The following CRYBA4 variants were observed in gnomAD, a reference collection of about 807,000 sequenced individuals.
The protein encoded by CRYBA4 is crystallin beta A4.
In CRYBA4, 30 loss-of-function variants were observed where a neutral mutation model predicts 31.7. That is an observed-to-expected ratio of 0.95 (90% CI 0.71 to 1.28). CRYBA4 has a LOEUF of 1.28. Ranked by LOEUF, CRYBA4 falls within the 50% of genes most tolerant of loss-of-function variation. CRYBA4 has a pLI of 0.00. For missense variants in CRYBA4, 225 were observed against 260.7 expected, an observed-to-expected ratio of 0.86 and a Z score of 0.94; for synonymous variants, 102 against 102.3, an observed-to-expected ratio of 1.00 and a Z score of 0.02.
Position 26,622,617 on chromosome 22 carries a change from G to C in CRYBA4, c.21G>C (p.Lys7Asn). 1 of 1,613,194 alleles carries C rather than the reference G, an allele frequency of 6.2e-7. No homozygotes were observed. Among genetic ancestry groups the C allele is most frequent in the Non-Finnish European group, 8.5e-7 (1 of 1,179,482 alleles). Residue 7 changes from lysine (K) to asparagine (N), a missense_variant, in exon 2 of 6, where the codon AAG (lysine) becomes AAC (asparagine). Lys to Asn is a moderately conservative substitution (Grantham distance 94). Coordinates refer to ENST00000354760, the MANE Select transcript of CRYBA4 (RefSeq NM_001886.3). Reference protein sequence around the residue: MTLQCTKSAGPWKMVVW... With the variant: MTLQCTNSAGPWKMVVW... Reference sequence around the variant, plus strand: ...CCACAATGACCCTGCAATGCACAAAGTCAGCGGGACCCTGGAAGGTAGGAA... The same window carrying C: ...CCACAATGACCCTGCAATGCACAAACTCAGCGGGACCCTGGAAGGTAGGAA...
At chr22:26,627,426 T>TTCTTTCTTTCTTTCCTTC (rs1431636604) in intron 4 of CRYBA4, among the ~76,000 whole-genome samples, 1 of 75,322 alleles carries the variant, frequency 1.3e-5, no homozygotes, top group African/African-American at 1.0e-4. Flanking sequence ...CTTTCTTTCT[T>TTCTTTCTTTCTTTCCTTC]TTTCTTTCTT....
the CRYBA4 span, chr22:26,611,934 A>G: frequency 3.1e-5 from 23 of 732,292 alleles, no homozygotes; most frequent in African/African-American, 2.7e-4. Flanking sequence ...TCAGTTTGAT[A>G]TGAGGATTGG....
At chr22:26,605,132 T>G in the CRYBA4 span, among the ~76,000 whole-genome samples, 1 of 152,214 alleles carries the variant, frequency 6.6e-6, no homozygotes, top group Admixed American at 6.5e-5. Context: ...GGGAGCTGGC[T>G]TCCCTGATGA....
At chr22:26,623,934 C>T (rs1408185008) in intron 3 of CRYBA4, among the ~76,000 whole-genome samples, 1 of 152,214 alleles carries the variant, frequency 6.6e-6, no homozygotes, top group Non-Finnish European at 1.5e-5. Context: ...CCATCCATTT[C>T]AGAGCCACTG....
At chr22:26,627,837 AG>A (rs1929800466) in intron 4 of CRYBA4, among the ~76,000 whole-genome samples, 1 of 152,038 alleles carries the variant, frequency 6.6e-6, no homozygotes, top group East Asian at 1.9e-4. Flanking sequence ...TAGTAGAGAC[AG>A]GGTTTCACCA....
the CRYBA4 span, among the ~76,000 whole-genome samples, chr22:26,604,824 T>G: frequency 6.6e-6 from 1 of 152,198 alleles, no homozygotes; most frequent in South Asian, 2.1e-4. Context: ...GATTACTTAT[T>G]ACTGTTACGG....
At chr22:26,594,964 T>C in the CRYBA4 span, among the ~76,000 whole-genome samples, 1 of 152,180 alleles carries the variant, frequency 6.6e-6, no homozygotes, top group Non-Finnish European at 1.5e-5. Context: ...CTCCAGGTGG[T>C]GAGATGCTCA....
At chr22:26,602,064 G>C in the CRYBA4 span, 1 of 1,609,960 alleles carries the variant, frequency 6.2e-7, no homozygotes. Flanking sequence ...AGTACAAATG[G>C]GACAAAGAGA....
chr22:26,607,928 G>C, the CRYBA4 span: 2 of 1,614,216 alleles, frequency 1.2e-6, no homozygotes, highest in East Asian at 2.2e-5. Flanking sequence ...GATCACTGCG[G>C]TAGCTGCTCG....
At chr22:26,591,302 C>G in the CRYBA4 span, among the ~76,000 whole-genome samples, 2,637 of 152,146 alleles carry the variant, frequency 0.017, 76 homozygotes, top group African/African-American at 0.06. Flanking sequence ...GAAACCCTGT[C>G]TCTACTAAAA....
the CRYBA4 span, among the ~76,000 whole-genome samples, chr22:26,607,140 A>T: frequency 1.3e-5 from 2 of 149,118 alleles, no homozygotes; most frequent in East Asian, 4.0e-4. Flanking sequence ...CTCCTGCCTC[A>T]GCCTTGCTAG....
chr22:26,611,454 G>GT, the CRYBA4 span, among the ~76,000 whole-genome samples: 414 of 142,748 alleles, frequency 2.9e-3, 3 homozygotes, highest in Non-Finnish European at 4.2e-3. Flanking sequence ...GCTAGAGTTT[G>GT]TTTTTTTTTT....
the CRYBA4 span, chr22:26,607,786 C>A: frequency 6.5e-7 from 1 of 1,544,048 alleles, no homozygotes; most frequent in South Asian, 1.1e-5. Flanking sequence ...TGCCACGCCT[C>A]CCTACCCACC....
chr22:26,604,082 C>T, the CRYBA4 span, among the ~76,000 whole-genome samples: 1 of 152,242 alleles, frequency 6.6e-6, no homozygotes, highest in African/African-American at 2.4e-5. Context: ...TTTCAAAAGT[C>T]ATCATGCACT....
At chr22:26,616,728 C>T in the CRYBA4 span, among the ~76,000 whole-genome samples, 1 of 152,208 alleles carries the variant, frequency 6.6e-6, no homozygotes, top group Non-Finnish European at 1.5e-5. Flanking sequence ...TAAGGTGTGC[C>T]AGGCACTGTG....
chr22:26,627,412 C>CT (rs1294001395), intron 4 of CRYBA4, among the ~76,000 whole-genome samples: 6 of 79,066 alleles, frequency 7.6e-5, no homozygotes, highest in Non-Finnish European at 1.2e-4. Flanking sequence ...TTCTTTCTTT[C>CT]TTTCTTTCTT....
At chr22:26,622,340 C>T (rs1929557093) in intron 1 of CRYBA4, among the ~76,000 whole-genome samples, 1 of 151,898 alleles carries the variant, frequency 6.6e-6, no homozygotes, top group Admixed American at 6.6e-5. Flanking sequence ...TAAGAGAATA[C>T]AGAGTGGGGC....
chr22:26,595,401 A>G, the CRYBA4 span, among the ~76,000 whole-genome samples: 1 of 150,406 alleles, frequency 6.6e-6, no homozygotes, highest in Admixed American at 6.7e-5. Context: ...ACATGGAAAA[A>G]CCCCCGTCTC....
At chr22:26,627,364 CTTTCTTTCTTTCT>C (rs1929741529) in intron 4 of CRYBA4, among the ~76,000 whole-genome samples, 3 of 30,308 alleles carry the variant, frequency 9.9e-5, no homozygotes, top group African/African-American at 1.7e-4. Flanking sequence ...TCCCTCCTTT[CTTTCTTTCTTTCT>C]TTCTTTCTTT....
Sources: allele counts gnomAD v4.1 joint callset (sites outside exome capture counted in the v4.1 genomes callset), GRCh38; gene constraint gnomAD v4.1.1; transcripts MANE v1.5; gene names NCBI Gene and HGNC (gene_info 2026-07-23, HGNC 2026-07-21).